Variants in UXS1 observed in about 807,000 individuals in gnomAD.
The protein encoded by UXS1 is UDP-glucuronate decarboxylase 1, also known as UDP-glucuronic acid decarboxylase 1.
In UXS1, 33 loss-of-function variants were observed where a neutral mutation model predicts 62.6. The ratio of observed to expected loss-of-function variants is 0.53; its 90% confidence interval spans 0.40 to 0.70. The LOEUF (loss-of-function observed/expected upper bound fraction) is 0.70, where lower values mean the gene tolerates loss of function less well. UXS1 is among the 30% of genes least tolerant of loss of function. UXS1 has a pLI of 0.00. For missense variants in UXS1, 434 were observed against 556.3 expected (o/e 0.78, Z 2.21); for synonymous variants, 213 against 206.8 (o/e 1.03, Z -0.26).
chr2:106,192,726 T>C lies in UXS1; in HGVS notation c.94+1422A>G, dbSNP rs532496245. Among the ~76,000 whole-genome samples, 3 of 151,932 alleles carry C rather than the reference T, an allele frequency of 2.0e-5. No individual in the cohort carries two copies. In the East Asian group the frequency reaches 5.8e-4, roughly 29 times the overall value. On this transcript the variant is annotated intron_variant, in intron 1 of 14. Coordinates refer to ENST00000283148, the MANE Select transcript of UXS1 (RefSeq NM_001253875.2). ...TCTGGGTTCAAATTTTGGCCCTCCT[T>C]CTCTTACTATCTGTGTGATCATCCA... is the stretch of plus-strand genomic sequence containing the variant.
intron 13 of UXS1, 48 bp downstream of exon 13, chr2:106,098,668 A>G (rs753702505): frequency 6.7e-7 from 1 of 1,502,720 alleles, no homozygotes. Flanking sequence ...ATTAACAGAT[A>G]GGGCAGGCAC....
At chr2:106,146,949 T>C (rs377263096) in intron 5 of UXS1, among the ~76,000 whole-genome samples, 116 of 152,084 alleles carry the variant, frequency 7.6e-4, no homozygotes, top group Admixed American at 2.5e-3. Flanking sequence ...CGCCAGGCGT[T>C]CAAGACTAGC....
chr2:106,104,483 A>C (rs976636429), intron 11 of UXS1, among the ~76,000 whole-genome samples: 5 of 152,216 alleles, frequency 3.3e-5, no homozygotes, highest in African/African-American at 1.2e-4. Context: ...GCAAAAGGCC[A>C]TCTCTTAACT....
At chr2:106,118,885 A>C (rs1218915418) in intron 9 of UXS1, among the ~76,000 whole-genome samples, 1 of 152,244 alleles carries the variant, frequency 6.6e-6, no homozygotes, top group Non-Finnish European at 1.5e-5. Context: ...CAATAAAATC[A>C]CAATTTATAC....
At chr2:106,182,626 G>A (rs1316154716) in intron 1 of UXS1, among the ~76,000 whole-genome samples, 1 of 152,156 alleles carries the variant, frequency 6.6e-6, no homozygotes. Flanking sequence ...GCACCCACGG[G>A]CATGATCCTC....
Position 106,194,173 on chromosome 2 carries a change from G to A in UXS1, c.69C>T (p.Gly23=). ...VNRRRMKLLL[G]IALLAYVASV... is the part of the protein sequence containing the mutation. ...AGGCGACGTAGGCCAGCAAGGCGAT[G>A]CCCAGCAGCAGCTTCATCCTCCTGC... Residue 23 remains glycine, a synonymous_variant, in exon 1 of 15, where the codon GGC becomes GGT. Coordinates refer to ENST00000283148, the MANE Select transcript of UXS1 (RefSeq NM_001253875.2). The A allele has an allele frequency of 6.7e-7, 1 of 1,485,958 alleles. No individual in the cohort carries two copies. Among genetic ancestry groups the A allele is most frequent in the Non-Finnish European group, 9.0e-7 (1 of 1,116,630 alleles). 92.0% of individuals were successfully genotyped at this position (1,485,958 alleles called of 1,614,324 possible). A position where few individuals can be genotyped will look rare whatever the true frequency, so the allele number is the denominator to read the frequency against.
chr2:106,173,252 A>G (rs1400492923), intron 1 of UXS1, among the ~76,000 whole-genome samples: 1 of 152,138 alleles, frequency 6.6e-6, no homozygotes, highest in Non-Finnish European at 1.5e-5. Context: ...GGGAATTGCT[A>G]CTCTAGGGCA....
At chr2:106,098,476 TCTC>T (rs1405239207) in intron 13 of UXS1, among the ~76,000 whole-genome samples, 1 of 152,080 alleles carries the variant, frequency 6.6e-6, no homozygotes, top group African/African-American at 2.4e-5. Flanking sequence ...TGGGAGCAAA[TCTC>T]CTCCTCCCTC....
rs56060452 is a variant in UXS1, at chr2:106,183,240, TAA to T, written c.94+10906_94+10907del. ...CCCAGCTGCCTGCTCAAGTCTTTTT[TAA>T]AAAAAAAAAAAAAAAAAAGCAAGGT... On this transcript the variant is annotated intron_variant, in intron 1 of 14. Coordinates refer to ENST00000283148, the MANE Select transcript of UXS1 (RefSeq NM_001253875.2). Among the ~76,000 whole-genome samples the T allele has an allele frequency of 7.5e-3, 1,019 of 135,918 alleles. 12 individuals are homozygous for T. The highest frequency in any genetic ancestry group is 0.023 in the Middle Eastern group (6 of 264). 89.2% of individuals were successfully genotyped at this position (135,918 alleles called of 152,430 possible).
intron 10 of UXS1, among the ~76,000 whole-genome samples, chr2:106,105,772 G>A (rs576584848): frequency 2.6e-5 from 4 of 152,364 alleles, no homozygotes; most frequent in East Asian, 1.9e-4. Flanking sequence ...CAACAGAGGT[G>A]CTTGGGGAGA....
chr2:106,106,364 CAAA>C (rs34097863), intron 10 of UXS1, among the ~76,000 whole-genome samples: 4 of 127,680 alleles, frequency 3.1e-5, no homozygotes, highest in Non-Finnish European at 3.2e-5. Context: ...AACTCCGTCT[CAAA>C]AAAAAAAAAA....
chr2:106,144,785 A>T (rs1681425155), intron 6 of UXS1, among the ~76,000 whole-genome samples: 1 of 152,122 alleles, frequency 6.6e-6, no homozygotes, highest in Admixed American at 6.5e-5. Flanking sequence ...TTATAAAAAC[A>T]CTAATCTCAT....
At chr2:106,098,204 C>G (rs1274806521) in intron 13 of UXS1, among the ~76,000 whole-genome samples, 1 of 152,220 alleles carries the variant, frequency 6.6e-6, no homozygotes, top group Non-Finnish European at 1.5e-5. Flanking sequence ...TCTATGTCTG[C>G]AATCCAGGGC....
intron 1 of UXS1, among the ~76,000 whole-genome samples, chr2:106,179,767 G>A (rs1420930965): frequency 6.6e-6 from 1 of 152,202 alleles, no homozygotes; most frequent in Non-Finnish European, 1.5e-5. Flanking sequence ...ATCTACCAAT[G>A]AGTTCTGTGC....
At chr2:106,182,151 C>T (rs534660872) in intron 1 of UXS1, among the ~76,000 whole-genome samples, 8 of 152,306 alleles carry the variant, frequency 5.3e-5, no homozygotes, top group African/African-American at 1.9e-4. Context: ...AAAGGTCTAT[C>T]TAAAGTATGG....
At chr2:106,098,396 C>T (rs553571625) in intron 13 of UXS1, among the ~76,000 whole-genome samples, 5 of 152,326 alleles carry the variant, frequency 3.3e-5, no homozygotes, top group African/African-American at 9.6e-5. Context: ...CTATGCTTGA[C>T]ATGACCAGTT....
chr2:106,107,561 C>T (rs1178112527), intron 10 of UXS1, among the ~76,000 whole-genome samples: 2 of 152,222 alleles, frequency 1.3e-5, no homozygotes. Context: ...ATGTGAAGAA[C>T]CACGCCAGGT....
At chr2:106,150,870 G>C (rs1047259874) in intron 5 of UXS1, among the ~76,000 whole-genome samples, 1 of 152,208 alleles carries the variant, frequency 6.6e-6, no homozygotes, top group Non-Finnish European at 1.5e-5. Context: ...CACAAGGCTG[G>C]GGCTCCCAGA....
intron 5 of UXS1, among the ~76,000 whole-genome samples, chr2:106,146,892 TGCCTGTA>T (rs1558724118): frequency 6.6e-6 from 1 of 151,720 alleles, no homozygotes; most frequent in Non-Finnish European, 1.5e-5. Context: ...CAGTGGCTCA[TGCCTGTA>T]CCCAACACTT....
Sources: allele counts gnomAD v4.1 joint callset (sites outside exome capture counted in the v4.1 genomes callset), GRCh38; gene constraint gnomAD v4.1.1; transcripts MANE v1.5; gene names NCBI Gene and HGNC (gene_info 2026-07-23, HGNC 2026-07-21).